DYNLT2: variants seen among roughly 807,000 people sequenced by gnomAD.
The protein encoded by DYNLT2 is dynein light chain Tctex-type protein 2.
In DYNLT2, 24 loss-of-function variants were observed where a neutral mutation model predicts 24.3. The observed-to-expected ratio is 0.99, with a 90% confidence interval of 0.71 to 1.39. DYNLT2 has a LOEUF of 1.39. Among genes scored for constraint, DYNLT2 ranks in the 40% most tolerant of loss-of-function variants. DYNLT2 has a pLI of 0.00. For missense variants in DYNLT2, 246 were observed against 234.5 expected, an observed-to-expected ratio of 1.05 and a Z score of -0.32; for synonymous variants, 85 against 85.4, an observed-to-expected ratio of 1.00 and a Z score of 0.03.
At chr6:169,739,994 T>C (rs1157968766), downstream of DYNLT2, 1 of 530,518 alleles carries the variant, frequency 1.9e-6, no homozygotes, top group East Asian at 3.0e-5. Context: ...TAATATTATG[T>C]TAGTTAATAT....
chr6:169,736,505 C>A (rs1789565565), downstream of DYNLT2, among the ~76,000 whole-genome samples: 1 of 152,128 alleles, frequency 6.6e-6, no homozygotes, highest in Admixed American at 6.5e-5. Context: ...GCAGAGCAGG[C>A]CTGGTGGTAA....
chr6:169,741,052 C>T (rs1789668251), intron 3 of DYNLT2, among the ~76,000 whole-genome samples: 1 of 152,124 alleles, frequency 6.6e-6, no homozygotes, highest in Non-Finnish European at 1.5e-5. Context: ...GCTGATCCAC[C>T]CGCATCAGCC....
downstream of DYNLT2, among the ~76,000 whole-genome samples, chr6:169,737,102 AT>A (rs1319856892): frequency 6.6e-6 from 1 of 151,974 alleles, no homozygotes; most frequent in Non-Finnish European, 1.5e-5. Context: ...CACTTGGTCG[AT>A]TCTGCTGTTG....
downstream of DYNLT2, among the ~76,000 whole-genome samples, chr6:169,735,733 A>G (rs1012951247): frequency 6.6e-6 from 1 of 152,128 alleles, no homozygotes; most frequent in African/African-American, 2.4e-5. Flanking sequence ...TAAGTGCCAT[A>G]TGGCACTGGA....
downstream of DYNLT2, chr6:169,739,107 A>G (rs534665047): frequency 4.3e-4 from 65 of 152,134 alleles, no homozygotes; most frequent in African/African-American, 1.5e-3. Flanking sequence ...AATGATGAAA[A>G]TCATACTGAT....
the DYNLT2 span, among the ~76,000 whole-genome samples, chr6:169,727,686 C>G: frequency 2.0e-5 from 3 of 152,064 alleles, no homozygotes; most frequent in Non-Finnish European, 2.9e-5. Flanking sequence ...GCCTCAGCCT[C>G]CCAAGTAGCT....
chr6:169,746,157 T>C (rs1040398593), intron 1 of DYNLT2, among the ~76,000 whole-genome samples: 15 of 152,206 alleles, frequency 9.9e-5, no homozygotes, highest in African/African-American at 3.6e-4. Context: ...GTGTCCTCTC[T>C]TTCTTAGCCT....
At chr6:169,728,258 G>T in the DYNLT2 span, among the ~76,000 whole-genome samples, 1,309 of 152,218 alleles carry the variant, frequency 8.6e-3, 18 homozygotes, top group African/African-American at 0.03. Context: ...GAAATTTGAG[G>T]GCTATAAATG....
At chr6:169,744,013 GT>G (rs1292692772) in intron 2 of DYNLT2, 54 bp downstream of exon 2, 1 of 1,517,402 alleles carries the variant, frequency 6.6e-7, no homozygotes, top group African/African-American at 1.4e-5. Context: ...TATAATTTCT[GT>G]TTCTCTGTAG....
the DYNLT2 span, among the ~76,000 whole-genome samples, chr6:169,727,362 T>A: frequency 6.6e-6 from 1 of 152,066 alleles, no homozygotes; most frequent in Non-Finnish European, 1.5e-5. Context: ...CTGAAAAGAA[T>A]GACTGAGTAG....
chr6:169,750,927 A>AT (rs1790005300), intron 1 of DYNLT2: 1 of 155,236 alleles, frequency 6.4e-6, no homozygotes, highest in Non-Finnish European at 1.4e-5. Flanking sequence ...TTATCAAATT[A>AT]TTTTTTTAAT....
At chr6:169,731,511 T>C in the DYNLT2 span, among the ~76,000 whole-genome samples, 1 of 152,130 alleles carries the variant, frequency 6.6e-6, no homozygotes. Context: ...TTACTAGAGG[T>C]GCAGTTGCTG....
chr6:169,742,770 T>C (rs1279026356), intron 3 of DYNLT2, among the ~76,000 whole-genome samples: 1 of 152,140 alleles, frequency 6.6e-6, no homozygotes, highest in Non-Finnish European at 1.5e-5. Flanking sequence ...AGCTAATTTT[T>C]GTATTTTTAG....
downstream of DYNLT2, among the ~76,000 whole-genome samples, chr6:169,739,901 ATACTC>A (rs1307422831): frequency 3.3e-5 from 5 of 152,142 alleles, no homozygotes; most frequent in African/African-American, 7.2e-5. Context: ...TATTTTCCCT[ATACTC>A]TACTATAAGA....
the DYNLT2 span, among the ~76,000 whole-genome samples, chr6:169,732,508 C>T: frequency 6.6e-6 from 1 of 152,134 alleles, no homozygotes; most frequent in African/African-American, 2.4e-5. Flanking sequence ...TCTCAATGTT[C>T]AACTCCCACT....
intron 1 of DYNLT2, among the ~76,000 whole-genome samples, chr6:169,744,956 G>A (rs1789762078): frequency 1.3e-5 from 2 of 152,192 alleles, no homozygotes; most frequent in South Asian, 2.1e-4. Flanking sequence ...TCTTTTTCTT[G>A]CCTAATTGCT....
At chr6:169,741,944 C>A (rs2027062) in intron 3 of DYNLT2, among the ~76,000 whole-genome samples, 14,755 of 152,052 alleles carry the variant, frequency 0.097, 1,581 homozygotes, top group African/African-American at 0.26. Flanking sequence ...TGCTGACTGG[C>A]GGTTCTCTCG....
chr6:169,738,447 G>A (rs1789605529), downstream of DYNLT2, among the ~76,000 whole-genome samples: 1 of 152,196 alleles, frequency 6.6e-6, no homozygotes, highest in African/African-American at 2.4e-5. Context: ...CTTCTGATCT[G>A]TGGGTTGCAC....
chr6:169,743,318 T>G (rs1189238396), intron 2 of DYNLT2, 80 bp from the exon 3 acceptor site: 1 of 708,960 alleles, frequency 1.4e-6, no homozygotes, highest in East Asian at 3.1e-5. Context: ...AAAACATGTC[T>G]AAATAATATA....
Sources: allele counts gnomAD v4.1 joint callset (sites outside exome capture counted in the v4.1 genomes callset), GRCh38; gene constraint gnomAD v4.1.1; transcripts MANE v1.5; gene names NCBI Gene and HGNC (gene_info 2026-07-23, HGNC 2026-07-21).